Variants in PDE4D observed in about 807,000 individuals in gnomAD.
PDE4D encodes phosphodiesterase 4D, also known as 3',5'-cyclic-AMP phosphodiesterase 4D.
A neutral mutation model predicts 87.4 loss-of-function variants in PDE4D; 24 were observed. That is an observed-to-expected ratio of 0.27 (90% CI 0.20 to 0.39). The LOEUF (loss-of-function observed/expected upper bound fraction) is 0.39. Ranked by LOEUF, PDE4D falls within the 10% of genes least tolerant of loss-of-function variation. The pLI is 1.00. For synonymous variants in PDE4D, 384 were observed against 383.2 expected (o/e 1.00, Z -0.02); for missense variants, 714 against 1,041.0 (o/e 0.69, Z 4.32).
chr5:59,762,937 T>C (rs1762352199), intron 1 of PDE4D, among the ~76,000 whole-genome samples: 3 of 145,448 alleles, frequency 2.1e-5, no homozygotes, highest in South Asian at 2.2e-4. Context: ...TATGGAGATA[T>C]ATATACATGT....
upstream of PDE4D, among the ~76,000 whole-genome samples, chr5:59,894,052 C>G (rs916071841): frequency 6.6e-6 from 1 of 152,188 alleles, no homozygotes; most frequent in Non-Finnish European, 1.5e-5. Context: ...TCCAGGGCAC[C>G]GGAACCCTGA....
rs572314707 is a variant in PDE4D at position 59,200,294 on chromosome 5, CAT to C, written c.648-6760_648-6759del. Among the ~76,000 whole-genome samples the C allele has an allele frequency of 4.6e-3, 514 of 112,752 alleles. 19 individuals are homozygous for C. Among genetic ancestry groups the C allele is most frequent in the East Asian group, 0.018 (61 of 3,438 alleles). The allele number at this position is 112,752 out of a possible 152,430, so 74.0% of individuals were successfully genotyped here. A position where few individuals can be genotyped will look rare whatever the true frequency, so the allele number is the denominator to read the frequency against. ...GTATGTACAGCTACAAGTATACATACATATGTGTATGTACAGCTACACGTATA... is the reference window on the plus strand; with the variant it reads ...GTATGTACAGCTACAAGTATACATACATGTGTATGTACAGCTACACGTATA... On this transcript the variant is annotated intron_variant, in intron 2 of 14. Coordinates refer to ENST00000340635, the MANE Select transcript of PDE4D (RefSeq NM_001104631.2).
intron 1 of PDE4D, among the ~76,000 whole-genome samples, chr5:59,746,794 G>A (rs56968547): frequency 1.3e-5 from 2 of 151,604 alleles, no homozygotes; most frequent in Admixed American, 6.6e-5. Context: ...GCCCTCTGAT[G>A]CAGTGGCTAT....
Position 60,054,651 on chromosome 5 carries a change from C to T in PDE4D, c.43-65934G>A, listed in dbSNP as rs59557916. 4.5e-3 allele frequency among the ~76,000 whole-genome samples: 678 copies of T among 151,510 alleles called. 6 individuals are homozygous for T. The highest frequency in any genetic ancestry group is 0.016 in the African/African-American group (656 of 41,340). ...CTATGTAGCAAACCTGCACATTCTA[C>T]ACATGTATCCCAGAAATTAAAGTAT... On this transcript the variant is annotated intron_variant, in intron 2 of 16. Coordinates refer to the PDE4D transcript ENST00000502484.
intron 1 of PDE4D, among the ~76,000 whole-genome samples, chr5:59,554,660 A>G (rs935208915): frequency 6.6e-6 from 1 of 152,188 alleles, no homozygotes; most frequent in African/African-American, 2.4e-5. Flanking sequence ...TCCACTGGGC[A>G]GGAAACACAA....
Position 58,992,048 on chromosome 5 carries a change from T to C in PDE4D, c.1016-44A>G, listed in dbSNP as rs746962621. On this transcript the variant is annotated intron_variant, in intron 7 of 14. Transcript: ENST00000340635. ...TGTTCTATATTTATTATTAATTCTATCTGTTTTATATCATATGCATAATTG... is the reference window on the plus strand; with the variant it reads ...TGTTCTATATTTATTATTAATTCTACCTGTTTTATATCATATGCATAATTG... 1.0e-5 allele frequency: 12 copies of C among 1,199,028 alleles called. No individual in the cohort carries two copies. The Admixed American group carries it at 1.8e-4, about 18-fold the overall frequency. 74.3% of individuals were successfully genotyped at this position (1,199,028 alleles called of 1,614,324 possible).
intron 1 of PDE4D, among the ~76,000 whole-genome samples, chr5:59,524,827 T>C (rs1219700193): frequency 6.6e-6 from 1 of 152,202 alleles, no homozygotes; most frequent in Non-Finnish European, 1.5e-5. Flanking sequence ...CTCAGGCCAT[T>C]GCTTCAGAAG....
chr5:59,733,100 G>C (rs1214999487), intron 1 of PDE4D, among the ~76,000 whole-genome samples: 35 of 152,182 alleles, frequency 2.3e-4, no homozygotes, highest in Non-Finnish European at 7.4e-5. Flanking sequence ...AATCCCTTAA[G>C]GAGAAAATAA....
At chr5:59,189,232 G>GTTTTTTTTTTGTTTTTTTTT (rs1561662951) in intron 3 of PDE4D, among the ~76,000 whole-genome samples, 3 of 99,898 alleles carry the variant, frequency 3.0e-5, no homozygotes, top group Non-Finnish European at 4.2e-5. Context: ...TTCCTACCCC[G>GTTTTTTTTTTGTTTTTTTTT]TTTTTTTTTT....
intron 1 of PDE4D, among the ~76,000 whole-genome samples, chr5:59,491,553 T>C (rs1033227934): frequency 1.3e-5 from 2 of 152,234 alleles, no homozygotes; most frequent in African/African-American, 4.8e-5. Context: ...AAGCTTTCTC[T>C]GTAGTCTCAT....
At chr5:59,168,397 C>G (rs1214205187) in intron 5 of PDE4D, among the ~76,000 whole-genome samples, 2 of 152,184 alleles carry the variant, frequency 1.3e-5, no homozygotes, top group South Asian at 2.1e-4. Context: ...CTCACACACA[C>G]CTGGGCCTTT....
intron 1 of PDE4D, among the ~76,000 whole-genome samples, chr5:59,406,411 C>T (rs1462335557): frequency 3.3e-5 from 3 of 89,572 alleles, no homozygotes; most frequent in Non-Finnish European, 4.8e-5. Context: ...CCCCCCCCCC[C>T]ATAGAGTCTT....
intron 1 of PDE4D, among the ~76,000 whole-genome samples, chr5:59,532,844 T>A (rs1814485132): frequency 6.6e-6 from 1 of 152,116 alleles, no homozygotes; most frequent in Non-Finnish European, 1.5e-5. Context: ...GAGTGTAGCA[T>A]GATTGGACCA....
intron 5 of PDE4D, among the ~76,000 whole-genome samples, chr5:59,146,020 G>A (rs948947169): frequency 5.3e-5 from 8 of 152,060 alleles, no homozygotes; most frequent in African/African-American, 1.4e-4. Flanking sequence ...CCAGCTACTC[G>A]GGAGGCTAAG....
At chr5:59,158,365 A>T (rs953404746) in intron 5 of PDE4D, among the ~76,000 whole-genome samples, 1 of 152,160 alleles carries the variant, frequency 6.6e-6, no homozygotes, top group Non-Finnish European at 1.5e-5. Context: ...CACTTATACA[A>T]TCGAGTCCCT....
At chr5:59,427,680 CA>C (rs1439491429) in intron 1 of PDE4D, among the ~76,000 whole-genome samples, 1 of 151,780 alleles carries the variant, frequency 6.6e-6, no homozygotes, top group Non-Finnish European at 1.5e-5. Context: ...TAAAAACAAA[CA>C]AAAAAATTAG....
At chr5:60,325,573 T>C (rs933630887) in intron 1 of PDE4D, among the ~76,000 whole-genome samples, 1 of 152,192 alleles carries the variant, frequency 6.6e-6, no homozygotes, top group African/African-American at 2.4e-5. Context: ...AGAAACTACA[T>C]AGAACTTTCC....
rs780003325 is a variant in PDE4D, at chr5:60,018,195, T to TA, written c.43-29479dup. On this transcript the variant is annotated intron_variant, in intron 2 of 16. Coordinates refer to the PDE4D transcript ENST00000502484. ...ATTGGGGGCCAAGATTCAACATTCT[T>TA]AAAAAAAAAAAAGAATTTCAAACCC... Among the ~76,000 whole-genome samples, 1,377 of 142,660 alleles carry TA rather than the reference T, an allele frequency of 9.7e-3. 9 individuals are homozygous for TA. Among genetic ancestry groups the TA allele is most frequent in the Non-Finnish European group, 0.016 (1,022 of 64,784 alleles). 93.6% of individuals were successfully genotyped at this position (142,660 alleles called of 152,430 possible).
At chr5:60,400,698 G>A (rs1036792407) in intron 1 of PDE4D, among the ~76,000 whole-genome samples, 6 of 151,974 alleles carry the variant, frequency 3.9e-5, no homozygotes, top group East Asian at 1.9e-4. Context: ...TTGGGAGGCC[G>A]AGTTGGGTGG....
Sources: gnomAD v4.1 joint callset for allele counts (sites outside exome capture counted in the v4.1 genomes callset) on GRCh38, gnomAD v4.1.1 for gene constraint, MANE v1.5 for transcripts, NCBI Gene and HGNC (gene_info 2026-07-23, HGNC 2026-07-21) for gene names.